Variants in ABHD2 observed in about 807,000 individuals in gnomAD.
The protein encoded by ABHD2 is monoacylglycerol lipase ABHD2.
ABHD2 carries 20 observed loss-of-function variants against 48.1 expected under a neutral mutation model. That is an observed-to-expected ratio of 0.42 (90% CI 0.29 to 0.60). The LOEUF (loss-of-function observed/expected upper bound fraction) is 0.60, where lower values mean the gene tolerates loss of function less well. ABHD2 is among the 20% of genes least tolerant of loss of function. ABHD2 has a pLI of 0.24. For missense variants in ABHD2, 405 were observed against 550.9 expected, an observed-to-expected ratio of 0.74 and a Z score of 2.65; for synonymous variants, 209 against 214.2, an observed-to-expected ratio of 0.98 and a Z score of 0.21.
intron 4 of ABHD2, among the ~76,000 whole-genome samples, chr15:89,152,973 A>G (rs1303697277): frequency 1.3e-5 from 2 of 152,190 alleles, no homozygotes; most frequent in Non-Finnish European, 2.9e-5. Flanking sequence ...CTCAGTAGTT[A>G]TTTATGGGTA....
the ABHD2 span, among the ~76,000 whole-genome samples, chr15:89,043,483 G>A: frequency 0.018 from 2,616 of 149,196 alleles, 71 homozygotes; most frequent in African/African-American, 0.059. Context: ...AGGAGAGGAA[G>A]AAGGGGGAGG....
At position 89,189,014 on chromosome 15, in the gene ABHD2, C is replaced by T. The variant is rs2051260764; in HGVS notation, c.926+711C>T. On this transcript the variant is annotated intron_variant, in intron 8 of 10. Coordinates refer to ENST00000352732, the MANE Select transcript of ABHD2 (RefSeq NM_152924.5). The surrounding 1 kb of genome is among the most constrained non-coding windows in gnomAD (Gnocchi z 4.9). ...CTGAGTGTGAGACACAAATACTGCC[C>T]ACTTCATTCATCTACTCTTTATCTG... 6.6e-6 allele frequency among the ~76,000 whole-genome samples: 1 copy of T among 152,154 alleles called. No homozygotes were observed. The highest frequency in any genetic ancestry group is 2.4e-5 in the African/African-American group (1 of 41,430).
At chr15:89,068,319 TG>T in the ABHD2 span, among the ~76,000 whole-genome samples, 3 of 152,198 alleles carry the variant, frequency 2.0e-5, no homozygotes, top group African/African-American at 7.2e-5. Context: ...CATTTTATTT[TG>T]CATACAGAGT....
chr15:89,127,720 C>CATATATATATATATATATATATATAT (rs1567080056), intron 3 of ABHD2, among the ~76,000 whole-genome samples: 1 of 69,766 alleles, frequency 1.4e-5, no homozygotes, highest in African/African-American at 5.5e-5. Context: ...TATATATATA[C>CATATATATATATATATATATATATAT]ACATATATAT....
intron 5 of ABHD2, among the ~76,000 whole-genome samples, chr15:89,169,938 C>T (rs1299567935): frequency 6.6e-6 from 1 of 152,012 alleles, no homozygotes; most frequent in Non-Finnish European, 1.5e-5. Context: ...GCTGCAATTT[C>T]CCAGTGAATA....
At chr15:89,043,110 T>C in the ABHD2 span, among the ~76,000 whole-genome samples, 3 of 152,214 alleles carry the variant, frequency 2.0e-5, no homozygotes, top group African/African-American at 7.2e-5. Flanking sequence ...CTGACAAATG[T>C]TCTTCCCAAA....
In ABHD2 at chr15:89,195,141, G is replaced by C; in HGVS notation, c.1082-86G>C. On this transcript the variant is annotated intron_variant, in intron 10 of 10. Transcript: ENST00000352732. This position sits in a 1 kb window ranked among gnomAD's most constrained non-coding sequence, Gnocchi z 5.1. ...TTAGGTGACCCTGCGGGGACAGCCA[G>C]GCTACCCTAGCCAGCTCACCTCTGC... 3.3e-6 allele frequency: 5 copies of C among 1,493,242 alleles called. No homozygotes were observed. The highest frequency in any genetic ancestry group is 4.5e-6 in the Non-Finnish European group (5 of 1,108,244). The allele number at this position is 1,493,242 out of a possible 1,614,324, so 92.5% of individuals were successfully genotyped here. A position where few individuals can be genotyped will look rare whatever the true frequency, so the allele number is the denominator to read the frequency against.
At chr15:89,122,472 A>T (rs1442356418) in intron 3 of ABHD2, among the ~76,000 whole-genome samples, 1 of 152,228 alleles carries the variant, frequency 6.6e-6, no homozygotes, top group African/African-American at 2.4e-5. Flanking sequence ...CCCAGGAGAA[A>T]CAAACTGCAC....
Position 89,115,370 on chromosome 15 carries a change from ATGTGTGTGTGTGTGTGTGTG to A in ABHD2, c.-6-910_-6-891del, listed in dbSNP as rs1164718189. Among the ~76,000 whole-genome samples the A allele has an allele frequency of 6.0e-3, 600 of 100,672 alleles. 8 individuals carry two copies. The highest frequency in any genetic ancestry group is 0.036 in the South Asian group (108 of 2,996). The allele number at this position is 100,672 out of a possible 152,430, so 66.0% of individuals were successfully genotyped here. A position where few individuals can be genotyped will look rare whatever the true frequency, so the allele number is the denominator to read the frequency against. On this transcript the variant is annotated intron_variant, in intron 2 of 10. Transcript: ENST00000352732. ...TGTTTGGTTTTATATGTTTGGAGGTATGTGTGTGTGTGTGTGTGTGTGTGTGTGTGTGTGTGTGTGTGTGT... is the reference window on the plus strand; with the variant it reads ...TGTTTGGTTTTATATGTTTGGAGGTATGTGTGTGTGTGTGTGTGTGTGTGT...
chr15:89,150,356 T>G (rs2150885525), intron 3 of ABHD2, among the ~76,000 whole-genome samples: 1 of 152,344 alleles, frequency 6.6e-6, no homozygotes, highest in South Asian at 2.1e-4. Context: ...TGTTTGGTTG[T>G]CCAATTGACA....
rs996129219 is a variant in ABHD2, at chr15:89,104,715, G to A, written c.-106-9010G>A. Among the ~76,000 whole-genome samples, 5 of 152,170 alleles carry A rather than the reference G, an allele frequency of 3.3e-5. No homozygotes were observed. The highest frequency in any genetic ancestry group is 2.0e-4 in the Admixed American group (3 of 15,278). ...TGGGTTGAGTGGTTCTTCAGGCAAC[G>A]GTTGTGCCAGGCACTGGGTCTTGCC... On this transcript the variant is annotated intron_variant, in intron 1 of 10. Transcript: ENST00000352732. This position sits in a 1 kb window ranked among gnomAD's most constrained non-coding sequence, Gnocchi z 4.4.
chr15:89,193,370 T>A, intron 10 of ABHD2, 51 bp downstream of exon 10: 1 of 1,471,524 alleles, frequency 6.8e-7, no homozygotes, highest in Non-Finnish European at 9.5e-7. Flanking sequence ...GTTGCCACAG[T>A]AAATTCTGTC....
the ABHD2 span, among the ~76,000 whole-genome samples, chr15:89,069,122 CTT>C: frequency 2.4e-5 from 3 of 124,898 alleles, no homozygotes; most frequent in Non-Finnish European, 3.2e-5. Flanking sequence ...CTTTTCTTTT[CTT>C]TTTTTTTTTT....
the ABHD2 span, among the ~76,000 whole-genome samples, chr15:89,070,539 C>A: frequency 2.0e-5 from 3 of 152,284 alleles, no homozygotes; most frequent in African/African-American, 7.2e-5. Flanking sequence ...GTTATCAGCC[C>A]TCCACATACC....
chr15:89,125,684 G>T (rs2050120390), intron 3 of ABHD2, among the ~76,000 whole-genome samples: 1 of 152,180 alleles, frequency 6.6e-6, no homozygotes, highest in Admixed American at 6.5e-5. Flanking sequence ...GGGATAAGTT[G>T]TTCACCCTCT....
At chr15:89,134,777 A>T (rs1218425361) in intron 3 of ABHD2, among the ~76,000 whole-genome samples, 1 of 152,200 alleles carries the variant, frequency 6.6e-6, no homozygotes, top group African/African-American at 2.4e-5. Flanking sequence ...TTTGAGCCCG[A>T]AAGAGCATTA....
At chr15:89,128,724 G>A (rs573426093) in intron 3 of ABHD2, among the ~76,000 whole-genome samples, 1 of 152,296 alleles carries the variant, frequency 6.6e-6, no homozygotes, top group African/African-American at 2.4e-5. Flanking sequence ...TCCTCACCAG[G>A]TCCCTATGCC....
the ABHD2 span, among the ~76,000 whole-genome samples, chr15:89,055,924 C>T: frequency 2.8e-3 from 433 of 152,188 alleles, no homozygotes; most frequent in African/African-American, 9.9e-3. Context: ...AGTGCAGTGG[C>T]GTGATCACGG....
chr15:89,130,038 T>C (rs1388281135), intron 3 of ABHD2, among the ~76,000 whole-genome samples: 1 of 152,202 alleles, frequency 6.6e-6, no homozygotes. Flanking sequence ...AGGAAATACA[T>C]GTAATAAGCA....
Sources: allele counts gnomAD v4.1 joint callset (sites outside exome capture counted in the v4.1 genomes callset), GRCh38; gene constraint gnomAD v4.1.1; non-coding constraint Gnocchi (gnomAD v3.1); transcripts MANE v1.5; gene names NCBI Gene and HGNC (gene_info 2026-07-23, HGNC 2026-07-21).